Variants in CNOT6 observed in about 807,000 individuals in gnomAD.
CNOT6 encodes the protein CCR4-NOT transcription complex subunit 6.
In CNOT6, 12 loss-of-function variants were observed where a neutral mutation model predicts 61.2. That is an observed-to-expected ratio of 0.20 (90% CI 0.13 to 0.32). The LOEUF (loss-of-function observed/expected upper bound fraction) is 0.32, where lower values mean the gene tolerates loss of function less well. Among genes scored for constraint, CNOT6 ranks in the 10% least tolerant of loss-of-function variants. The pLI, the probability that CNOT6 is intolerant of heterozygous loss-of-function variation, is 1.00. For synonymous variants in CNOT6, 225 were observed against 240.6 expected (o/e 0.94, Z 0.60); for missense variants, 405 against 663.9 (o/e 0.61, Z 4.28).
chr5:180,517,346 C>A (rs571127065), intron 1 of CNOT6, among the ~76,000 whole-genome samples: 2 of 152,122 alleles, frequency 1.3e-5, no homozygotes, highest in South Asian at 4.1e-4. Flanking sequence ...CCAGGCTGAT[C>A]TTGAATTCGT....
At chr5:180,508,989 A>C (rs997502664) in intron 1 of CNOT6, among the ~76,000 whole-genome samples, 6 of 151,576 alleles carry the variant, frequency 4.0e-5, no homozygotes, top group African/African-American at 1.2e-4. Context: ...TGCTCAGCTA[A>C]TTTTTGTATT....
chr5:180,500,707 T>C (rs1756834641), intron 1 of CNOT6, among the ~76,000 whole-genome samples: 1 of 152,240 alleles, frequency 6.6e-6, no homozygotes, highest in East Asian at 1.9e-4. Context: ...TTGAACAATC[T>C]ATGTGTCAGG....
intron 2 of CNOT6, among the ~76,000 whole-genome samples, chr5:180,538,166 G>A (rs1332140468): frequency 1.3e-5 from 2 of 149,264 alleles, no homozygotes; most frequent in Non-Finnish European, 3.0e-5. Context: ...AGCCTCCCAA[G>A]TAGCTGGGAC....
intron 7 of CNOT6, among the ~76,000 whole-genome samples, chr5:180,566,697 TC>T (rs1254565604): frequency 1.4e-5 from 2 of 140,048 alleles, no homozygotes; most frequent in African/African-American, 5.2e-5. Flanking sequence ...TCTTTCTCTG[TC>T]CCCCAGGCTG....
At chr5:180,529,899 TGAA>T (rs953597780) in intron 2 of CNOT6, among the ~76,000 whole-genome samples, 6 of 152,226 alleles carry the variant, frequency 3.9e-5, no homozygotes, top group African/African-American at 1.2e-4. Context: ...CTTAAGAGTT[TGAA>T]GAAGATCTCA....
chr5:180,568,411 G>T lies in CNOT6; in HGVS notation c.1027+408G>T, dbSNP rs181553085. ...TTTAAAATAATCATTTTATTAGCTG[G>T]GTGTGGTGGTGGGCGCCTGTAATCC... On this transcript the variant is annotated intron_variant, in intron 9 of 11. Transcript: ENST00000261951. Among the ~76,000 whole-genome samples, 170 of 151,728 alleles carry T rather than the reference G, an allele frequency of 1.1e-3. 1 individual carries two copies. The highest frequency in any genetic ancestry group is 3.7e-3 in the African/African-American group (152 of 41,392).
At position 180,498,756 on chromosome 5, in the gene CNOT6, C is replaced by G. The variant is rs1756729489; in HGVS notation, c.-3+3993C>G. Among the ~76,000 whole-genome samples, 3 of 152,228 alleles carry G rather than the reference C, an allele frequency of 2.0e-5. No homozygotes were observed. In the South Asian group the frequency reaches 6.2e-4, roughly 32 times the overall value. ...CCCTGTGGAGAATAGAGTGGAGGCCCTACAAGTGTATATTTGAGATAGTAT... is the reference window on the plus strand; with the variant it reads ...CCCTGTGGAGAATAGAGTGGAGGCCGTACAAGTGTATATTTGAGATAGTAT... On this transcript the variant is annotated intron_variant, in intron 1 of 11. Coordinates refer to ENST00000261951, the MANE Select transcript of CNOT6 (RefSeq NM_001370472.1).
intron 2 of CNOT6, among the ~76,000 whole-genome samples, chr5:180,546,292 T>G (rs539274319): frequency 6.6e-6 from 1 of 152,220 alleles, no homozygotes; most frequent in Non-Finnish European, 1.5e-5. Flanking sequence ...GTTCTATTTT[T>G]TCTTCACTCT....
chr5:180,574,468 C>G lies in CNOT6; in HGVS notation c.*268C>G. On this transcript the variant is annotated 3_prime_UTR_variant, in exon 12 of 12. Coordinates refer to ENST00000261951, the MANE Select transcript of CNOT6 (RefSeq NM_001370472.1). Reference sequence around the variant, plus strand: ...TAAGAGATTTTCCTATTTCTTCTACCCAATAGAATATTTTCATGCCTGGAA... The same window carrying G: ...TAAGAGATTTTCCTATTTCTTCTACGCAATAGAATATTTTCATGCCTGGAA... 1 of 493,024 alleles carries G rather than the reference C, an allele frequency of 2.0e-6. No individual in the cohort carries two copies. Among genetic ancestry groups the G allele is most frequent in the South Asian group, 2.4e-5 (1 of 41,886 alleles). 30.5% of individuals were successfully genotyped at this position (493,024 alleles called of 1,614,324 possible).
chr5:180,522,375 A>G (rs1458192504), intron 1 of CNOT6, among the ~76,000 whole-genome samples: 4 of 152,138 alleles, frequency 2.6e-5, no homozygotes, highest in African/African-American at 4.8e-5. Flanking sequence ...AGGCCCCCCA[A>G]AATGCTGGGA....
intron 1 of CNOT6, among the ~76,000 whole-genome samples, chr5:180,520,356 G>A (rs1370235489): frequency 2.0e-5 from 3 of 152,028 alleles, no homozygotes; most frequent in African/African-American, 7.2e-5. Flanking sequence ...AAAAGTTAAG[G>A]GCCTGGGCCG....
intron 2 of CNOT6, among the ~76,000 whole-genome samples, chr5:180,530,979 A>T (rs1758334986): frequency 6.6e-6 from 1 of 152,242 alleles, no homozygotes; most frequent in South Asian, 2.1e-4. Context: ...CTACACAGAC[A>T]CAGTAACAAT....
intron 6 of CNOT6, 53 bp downstream of exon 6, chr5:180,564,796 T>A: frequency 7.7e-7 from 1 of 1,305,722 alleles, no homozygotes; most frequent in African/African-American, 1.5e-5. Context: ...TCTATAAGCC[T>A]AACAGTATTG....
intron 1 of CNOT6, among the ~76,000 whole-genome samples, chr5:180,505,546 A>ATT (rs1757095054): frequency 5.1e-5 from 4 of 78,862 alleles, no homozygotes; most frequent in Non-Finnish European, 1.1e-4. Context: ...GGTACTAGTT[A>ATT]ATTTTTTTTT....
chr5:180,526,735 G>A (rs1008319446), intron 1 of CNOT6, among the ~76,000 whole-genome samples: 6 of 152,106 alleles, frequency 3.9e-5, no homozygotes, highest in Admixed American at 3.9e-4. Flanking sequence ...GTTAAACCAG[G>A]ATTATGATTT....
intron 2 of CNOT6, among the ~76,000 whole-genome samples, chr5:180,548,900 T>G (rs1384936887): frequency 6.6e-6 from 1 of 152,206 alleles, no homozygotes; most frequent in Non-Finnish European, 1.5e-5. Context: ...GTAAGGAGAT[T>G]ATGGGGAACA....
At chr5:180,537,678 T>G (rs1282610069) in intron 2 of CNOT6, among the ~76,000 whole-genome samples, 4 of 152,174 alleles carry the variant, frequency 2.6e-5, no homozygotes, top group Non-Finnish European at 5.9e-5. Flanking sequence ...TTGACAGTAT[T>G]GTGTCTTCAT....
At chr5:180,527,822 C>T (rs1419307423) in intron 1 of CNOT6, among the ~76,000 whole-genome samples, 2 of 152,162 alleles carry the variant, frequency 1.3e-5, no homozygotes, top group African/African-American at 4.8e-5. Context: ...GTGAGCGGCA[C>T]GTGAGCAAGC....
intron 9 of CNOT6, among the ~76,000 whole-genome samples, chr5:180,568,780 G>A (rs1333012796): frequency 6.6e-6 from 1 of 152,144 alleles, no homozygotes; most frequent in African/African-American, 2.4e-5. Flanking sequence ...ATCTAAGAAA[G>A]AGGGTTTAGA....
Sources: allele counts gnomAD v4.1 joint callset (sites outside exome capture counted in the v4.1 genomes callset), GRCh38; gene constraint gnomAD v4.1.1; transcripts MANE v1.5; gene names NCBI Gene and HGNC (gene_info 2026-07-23, HGNC 2026-07-21).